Variants in ZDHHC14 observed in about 807,000 individuals in gnomAD.
ZDHHC14 encodes zDHHC palmitoyltransferase 14.
In ZDHHC14, 16 loss-of-function variants were observed where a neutral mutation model predicts 47.7. The observed-to-expected ratio is 0.34, with a 90% confidence interval of 0.23 to 0.51. The LOEUF (loss-of-function observed/expected upper bound fraction) is 0.51. Among genes scored for constraint, ZDHHC14 ranks in the 20% least tolerant of loss-of-function variants. The pLI, the probability that ZDHHC14 is intolerant of heterozygous loss-of-function variation, is 0.97. For missense variants in ZDHHC14, 515 were observed against 662.5 expected (o/e 0.78, Z 2.44); for synonymous variants, 293 against 278.9 (o/e 1.05, Z -0.50).
intron 2 of ZDHHC14, among the ~76,000 whole-genome samples, chr6:157,561,056 A>G (rs1191202135): frequency 2.6e-5 from 4 of 152,240 alleles, no homozygotes; most frequent in African/African-American, 9.6e-5. Context: ...GTGCAGAAGG[A>G]CATTTCGGGG....
intron 1 of ZDHHC14, among the ~76,000 whole-genome samples, chr6:157,444,550 C>T (rs747849687): frequency 2.0e-5 from 3 of 151,988 alleles, no homozygotes; most frequent in East Asian, 1.9e-4. Flanking sequence ...TGGTGGTGCA[C>T]ACCTGTAATC....
At chr6:157,633,112 C>T (rs1776791479) in intron 5 of ZDHHC14, among the ~76,000 whole-genome samples, 1 of 152,234 alleles carries the variant, frequency 6.6e-6, no homozygotes, top group East Asian at 1.9e-4. Flanking sequence ...AATTCTTATC[C>T]ACCCCCAGAA....
At chr6:157,458,849 A>ATTTGTTTTTTTTTTTTTTTTTTTTTTTT in intron 1 of ZDHHC14, among the ~76,000 whole-genome samples, 1 of 81,218 alleles carries the variant, frequency 1.2e-5, no homozygotes, top group South Asian at 5.3e-4. Context: ...ATGTGGGTGG[A>ATTTGTTTTTTTTTTTTTTTTTTTTTTTT]TTTTTTTTTT....
chr6:157,456,004 A>G (rs1159516681), intron 1 of ZDHHC14, among the ~76,000 whole-genome samples: 2 of 152,190 alleles, frequency 1.3e-5, no homozygotes, highest in African/African-American at 4.8e-5. Flanking sequence ...CCTCAGAGAA[A>G]GAACAGAGGA....
At chr6:157,667,728 T>G (rs1778615735) in intron 8 of ZDHHC14, among the ~76,000 whole-genome samples, 1 of 152,136 alleles carries the variant, frequency 6.6e-6, no homozygotes, top group South Asian at 2.1e-4. Context: ...ATCACAGCCA[T>G]GAAGGTTTAT....
chr6:157,620,720 G>A (rs1046500333), intron 3 of ZDHHC14, among the ~76,000 whole-genome samples: 1 of 152,298 alleles, frequency 6.6e-6, no homozygotes, highest in East Asian at 1.9e-4. Flanking sequence ...GCTGGGCCTT[G>A]GGTACCCATC....
intron 6 of ZDHHC14, 111 bp from the exon 7 acceptor site, chr6:157,647,147 CT>C (rs1386627631): frequency 2.6e-5 from 19 of 734,246 alleles, no homozygotes; most frequent in Non-Finnish European, 2.2e-5. Context: ...ACCTCCATTT[CT>C]TTGGATTAAA....
At chr6:157,382,398 C>T in intron 1 of ZDHHC14, 132 bp downstream of exon 1, 2 of 1,126,630 alleles carry the variant, frequency 1.8e-6, no homozygotes, top group Non-Finnish European at 2.5e-6. Flanking sequence ...AGTCTGCGCT[C>T]CCTCTTTTTT....
chr6:157,540,910 G>GTGTATATATATATATATATATATATATA (rs1284429244), intron 1 of ZDHHC14, among the ~76,000 whole-genome samples: 17 of 122,962 alleles, frequency 1.4e-4, no homozygotes, highest in African/African-American at 2.2e-4. Flanking sequence ...GTGTGTGTGT[G>GTGTATATATATATATATATATATATATA]TATATATATA....
At chr6:157,635,084 C>T (rs1056234003) in intron 5 of ZDHHC14, among the ~76,000 whole-genome samples, 12 of 152,270 alleles carry the variant, frequency 7.9e-5, no homozygotes, top group Admixed American at 5.2e-4. Context: ...ACCTCCGCCT[C>T]CCGGGTTCAA....
chr6:157,477,924 C>G (rs1292966064), intron 1 of ZDHHC14, among the ~76,000 whole-genome samples: 1 of 152,178 alleles, frequency 6.6e-6, no homozygotes, highest in Non-Finnish European at 1.5e-5. Context: ...ACGACGTTAA[C>G]TTTCTTTTGA....
At chr6:157,482,323 C>CG (rs1168021079) in intron 1 of ZDHHC14, among the ~76,000 whole-genome samples, 1 of 146,778 alleles carries the variant, frequency 6.8e-6, no homozygotes, top group African/African-American at 2.5e-5. Context: ...TGCAGTGGCA[C>CG]GATCTCGGCT....
chr6:157,401,251 T>C (rs1777629656), intron 1 of ZDHHC14, among the ~76,000 whole-genome samples: 1 of 152,228 alleles, frequency 6.6e-6, no homozygotes, highest in Non-Finnish European at 1.5e-5. Flanking sequence ...AAAGCTTTTT[T>C]TTAGAAGCAT....
intron 1 of ZDHHC14, among the ~76,000 whole-genome samples, chr6:157,384,424 C>G (rs1201923690): frequency 6.6e-6 from 1 of 152,204 alleles, no homozygotes; most frequent in African/African-American, 2.4e-5. Flanking sequence ...AAGGATCTTT[C>G]TCTGTGTCAG....
In ZDHHC14 at chr6:157,505,677, C is replaced by T. The variant is rs560093323; in HGVS notation, c.246-36908C>T. Among the ~76,000 whole-genome samples, 4 of 152,274 alleles carry T rather than the reference C, an allele frequency of 2.6e-5. No individual in the cohort carries two copies. The South Asian group carries it at 6.2e-4, about 24-fold the overall frequency. ...GTACCATGAGTTATTAAAACCCTGACGTCCTTGTGACTTGGCGAAATGTTT... is the reference window on the plus strand; with the variant it reads ...GTACCATGAGTTATTAAAACCCTGATGTCCTTGTGACTTGGCGAAATGTTT... On this transcript the variant is annotated intron_variant, in intron 1 of 8. Coordinates refer to ENST00000359775, the MANE Select transcript of ZDHHC14 (RefSeq NM_024630.3).
chr6:157,519,380 GAA>G (rs5881214), intron 1 of ZDHHC14, among the ~76,000 whole-genome samples: 53 of 148,882 alleles, frequency 3.6e-4, no homozygotes, highest in Admixed American at 1.1e-3. Flanking sequence ...GCATTGCCTG[GAA>G]AAAAAAAAAA....
intron 2 of ZDHHC14, among the ~76,000 whole-genome samples, chr6:157,555,167 C>T (rs1426178446): frequency 1.3e-5 from 2 of 152,190 alleles, no homozygotes; most frequent in Non-Finnish European, 2.9e-5. Flanking sequence ...CACTTCCATT[C>T]TAGAAAAGAA....
intron 1 of ZDHHC14, among the ~76,000 whole-genome samples, chr6:157,485,821 GC>G (rs1267499933): frequency 2.0e-5 from 3 of 152,068 alleles, no homozygotes; most frequent in Non-Finnish European, 4.4e-5. Flanking sequence ...CACCAGCCTG[GC>G]CAACATGGTG....
chr6:157,410,096 A>G (rs1777845008), intron 1 of ZDHHC14, among the ~76,000 whole-genome samples: 1 of 152,128 alleles, frequency 6.6e-6, no homozygotes, highest in African/African-American at 2.4e-5. Flanking sequence ...AGCTGTTCTA[A>G]GAGGCATTCC....
Sources: gnomAD v4.1 joint callset for allele counts (sites outside exome capture counted in the v4.1 genomes callset) on GRCh38, gnomAD v4.1.1 for gene constraint, MANE v1.5 for transcripts, NCBI Gene and HGNC (gene_info 2026-07-23, HGNC 2026-07-21) for gene names.